The following KIF21A variants were observed in gnomAD, a reference collection of about 807,000 sequenced individuals.
KIF21A encodes kinesin family member 21A.
A neutral mutation model predicts 202.9 loss-of-function variants in KIF21A; 114 were observed. The ratio of observed to expected loss-of-function variants is 0.56; its 90% CI spans 0.48 to 0.66. The LOEUF is 0.66. KIF21A is among the 30% of genes least tolerant of loss of function. The pLI, the probability that KIF21A is intolerant of heterozygous loss-of-function variation, is 0.00. For synonymous variants in KIF21A, 667 were observed against 670.8 expected (o/e 0.99, Z 0.09); for missense variants, 1,677 against 1,994.9 (o/e 0.84, Z 3.04).
At chr12:39,339,574 T>C (rs1332693985) in intron 16 of KIF21A, among the ~76,000 whole-genome samples, 1 of 152,212 alleles carries the variant, frequency 6.6e-6, no homozygotes, top group Admixed American at 6.5e-5. Flanking sequence ...CCATATTTGC[T>C]ATTTTATTGT....
intron 11 of KIF21A, among the ~76,000 whole-genome samples, chr12:39,349,106 G>A (rs541540252): frequency 2.0e-5 from 3 of 152,134 alleles, no homozygotes; most frequent in African/African-American, 7.2e-5. Context: ...GTAGCATGGG[G>A]ACACAGGAAG....
At chr12:39,399,602 A>G (rs755389944) in intron 1 of KIF21A, among the ~76,000 whole-genome samples, 9 of 152,244 alleles carry the variant, frequency 5.9e-5, no homozygotes, top group Non-Finnish European at 8.8e-5. Context: ...GACACTCTGT[A>G]TGCACGAGGT....
In KIF21A at chr12:39,308,257, G is replaced by A. The variant is rs542009668; in HGVS notation, c.4278-528C>T. Among the ~76,000 whole-genome samples, 383 of 151,810 alleles carry A rather than the reference G, an allele frequency of 2.5e-3. 1 individual carries two copies. The highest frequency in any genetic ancestry group is 0.012 in the South Asian group (57 of 4,800). ...ACAAAAATTAGCTGGGGGTGGTGGT[G>A]CGTGCCTGTAATCCCAGCTACTCGG... is the stretch of plus-strand genomic sequence containing the variant. On this transcript the variant is annotated intron_variant, in intron 33 of 37. Transcript: ENST00000361418.
At chr12:39,364,822 CT>C (rs1949490648) in intron 6 of KIF21A, among the ~76,000 whole-genome samples, 1 of 152,122 alleles carries the variant, frequency 6.6e-6, no homozygotes, top group African/African-American at 2.4e-5. Context: ...TGATAACAAC[CT>C]TTTCCTGAAA....
chr12:39,355,604 T>C (rs1282325639), intron 10 of KIF21A, among the ~76,000 whole-genome samples: 2 of 151,058 alleles, frequency 1.3e-5, no homozygotes, highest in Non-Finnish European at 2.9e-5. Context: ...CAGGGAACAG[T>C]ACTCTCAACA....
intron 1 of KIF21A, among the ~76,000 whole-genome samples, chr12:39,440,458 G>C (rs373210828): frequency 1.6e-4 from 25 of 152,114 alleles, no homozygotes; most frequent in East Asian, 5.8e-4. Context: ...ATTGTTATGA[G>C]GAATAAATAA....
At chr12:39,357,140 CA>C in intron 9 of KIF21A, 107 bp downstream of exon 9, 1 of 969,272 alleles carries the variant, frequency 1.0e-6, no homozygotes, top group Non-Finnish European at 1.7e-6. Context: ...ACTGTATACA[CA>C]GAGACTGGCA....
chr12:39,436,448 A>ATATATATATATATTTTTTTTT (rs1387332677), intron 1 of KIF21A, among the ~76,000 whole-genome samples: 1 of 95,766 alleles, frequency 1.0e-5, no homozygotes, highest in Non-Finnish European at 2.0e-5. Flanking sequence ...ATATATATAT[A>ATATATATATATATTTTTTTTT]TTTTTTTTTT....
chr12:39,442,571 G>A lies in KIF21A; in HGVS notation c.44+356C>T, dbSNP rs746827707. ...GCGCACAGGCAGCTCCTCCCGGACA[G>A]GCGATAGCCCAAGGCGGCCAGACCT... On this transcript the variant is annotated intron_variant, in intron 1 of 37. Transcript: ENST00000361418. The surrounding 1 kb of genome is among the most constrained non-coding windows in gnomAD (Gnocchi z 5.0). Among the ~76,000 whole-genome samples, 1 of 152,332 alleles carries A rather than the reference G, an allele frequency of 6.6e-6. No homozygotes were observed. The highest frequency in any genetic ancestry group is 2.1e-4 in the South Asian group (1 of 4,828).
intron 24 of KIF21A, among the ~76,000 whole-genome samples, chr12:39,326,913 A>G (rs1340888445): frequency 6.6e-6 from 1 of 152,228 alleles, no homozygotes; most frequent in African/African-American, 2.4e-5. Flanking sequence ...ATAGGCTTGC[A>G]TGCAACAGCT....
intron 1 of KIF21A, among the ~76,000 whole-genome samples, chr12:39,425,059 C>T (rs992065776): frequency 6.6e-6 from 1 of 152,148 alleles, no homozygotes; most frequent in African/African-American, 2.4e-5. Context: ...ACTAACAGGC[C>T]AGTTTATTTC....
chr12:39,402,817 C>CT (rs1248211201), intron 1 of KIF21A, among the ~76,000 whole-genome samples: 2 of 152,140 alleles, frequency 1.3e-5, no homozygotes, highest in African/African-American at 4.8e-5. Flanking sequence ...CAAGACAATT[C>CT]TTCTTCTTCC....
intron 8 of KIF21A, 75 bp from the exon 9 acceptor site, chr12:39,357,512 T>A (rs1351856153): frequency 1.2e-5 from 15 of 1,239,040 alleles, no homozygotes; most frequent in Admixed American, 5.1e-5. Flanking sequence ...GAATACTCTA[T>A]AACTATACAA....
At chr12:39,432,529 G>A (rs772887558) in intron 1 of KIF21A, among the ~76,000 whole-genome samples, 6 of 152,036 alleles carry the variant, frequency 3.9e-5, no homozygotes, top group Admixed American at 1.3e-4. Flanking sequence ...AATGCATATT[G>A]TACTGAGTTA....
chr12:39,378,784 T>C (rs1950423191), intron 1 of KIF21A, among the ~76,000 whole-genome samples: 2 of 151,978 alleles, frequency 1.3e-5, no homozygotes. Context: ...GATAAGTAAA[T>C]TAAACATATG....
chr12:39,307,857 T>C, intron 33 of KIF21A, 128 bp from the exon 34 acceptor site: 1 of 737,898 alleles, frequency 1.4e-6, no homozygotes, highest in Admixed American at 2.0e-5. Flanking sequence ...ACTATATGTA[T>C]ACTACCTAGC....
At chr12:39,350,279 G>A (rs1346796766) in intron 11 of KIF21A, among the ~76,000 whole-genome samples, 2 of 151,914 alleles carry the variant, frequency 1.3e-5, no homozygotes, top group African/African-American at 4.8e-5. Flanking sequence ...AAACAGCCTA[G>A]ATTTCTATTG....
intron 1 of KIF21A, among the ~76,000 whole-genome samples, chr12:39,426,715 A>C (rs1393642799): frequency 6.7e-6 from 1 of 150,150 alleles, no homozygotes; most frequent in African/African-American, 2.5e-5. Context: ...TCTACTAAAA[A>C]TACAAAAAAA....
chr12:39,390,374 T>C (rs1592500560), intron 1 of KIF21A, among the ~76,000 whole-genome samples: 1 of 152,188 alleles, frequency 6.6e-6, no homozygotes, highest in East Asian at 1.9e-4. Flanking sequence ...GCACTCAATT[T>C]ATGCTAATAA....
Sources: allele counts gnomAD v4.1 joint callset (sites outside exome capture counted in the v4.1 genomes callset), GRCh38; gene constraint gnomAD v4.1.1; non-coding constraint Gnocchi (gnomAD v3.1); transcripts MANE v1.5; gene names NCBI Gene and HGNC (gene_info 2026-07-23, HGNC 2026-07-21).